The following ATP8A2 variants were observed in gnomAD, a reference collection of about 807,000 sequenced individuals.
The protein encoded by ATP8A2 is phospholipid-transporting ATPase IB.
In ATP8A2, 100 loss-of-function variants were observed where a neutral mutation model predicts 165.6. The observed-to-expected ratio is 0.60, with a 90% CI of 0.51 to 0.71. The LOEUF (loss-of-function observed/expected upper bound fraction) is 0.71, where lower values mean the gene tolerates loss of function less well. Among genes scored for constraint, ATP8A2 ranks in the 30% least tolerant of loss-of-function variants. The pLI, the probability that ATP8A2 is intolerant of heterozygous loss-of-function variation, is 0.00. For missense variants in ATP8A2, 1,227 were observed against 1,479.5 expected (o/e 0.83, Z 2.80); for synonymous variants, 543 against 548.8 (o/e 0.99, Z 0.15).
At chr13:25,534,660 C>T (rs1254759470) in intron 6 of ATP8A2, among the ~76,000 whole-genome samples, 1 of 152,232 alleles carries the variant, frequency 6.6e-6, no homozygotes, top group Admixed American at 6.5e-5. Flanking sequence ...ATGTACTGTA[C>T]CGCATGCAGT....
intron 24 of ATP8A2, among the ~76,000 whole-genome samples, chr13:25,624,276 G>A (rs2041048719): frequency 6.6e-6 from 1 of 152,076 alleles, no homozygotes; most frequent in Admixed American, 6.6e-5. Context: ...TGGCAGAGAT[G>A]GTGGGTTAAA....
chr13:25,464,988 T>C (rs551346040), intron 1 of ATP8A2, among the ~76,000 whole-genome samples: 2 of 152,324 alleles, frequency 1.3e-5, no homozygotes, highest in Non-Finnish European at 2.9e-5. Context: ...CTTTTCTCTT[T>C]GCTTACTCTT....
chr13:25,953,536 A>AAAAAAAAAAAAACAACAAC lies in ATP8A2; in HGVS notation c.3184-8029_3184-8028insAACAACAACAAAAAAAAAA, dbSNP rs1484790893. Among the ~76,000 whole-genome samples, 1 of 140,138 alleles carries AAAAAAAAAAAAACAACAAC rather than the reference A, an allele frequency of 7.1e-6. No individual in the cohort carries two copies. The highest frequency in any genetic ancestry group is 1.6e-5 in the Non-Finnish European group (1 of 63,880). The allele number at this position is 140,138 out of a possible 152,430, so 91.9% of individuals were successfully genotyped here. A position where few individuals can be genotyped will look rare whatever the true frequency, so the allele number is the denominator to read the frequency against. ...TCCAGCCTTTTTAAAAAAAAAAAAA[A>AAAAAAAAAAAAACAACAAC]AAAAAAAAAAGCAAGGGAAATAGGC... On this transcript the variant is annotated intron_variant, in intron 33 of 36. Coordinates refer to ENST00000381655, the MANE Select transcript of ATP8A2 (RefSeq NM_016529.6). This position sits in a 1 kb window ranked among gnomAD's most constrained non-coding sequence, Gnocchi z 6.7.
intron 26 of ATP8A2, among the ~76,000 whole-genome samples, chr13:25,770,599 A>G (rs1197608685): frequency 1.3e-5 from 2 of 151,962 alleles, no homozygotes; most frequent in African/African-American, 4.8e-5. Context: ...CTCTTTCTCT[A>G]CTGCAGTTCT....
At chr13:25,614,984 G>A (rs1455967569) in intron 24 of ATP8A2, among the ~76,000 whole-genome samples, 1 of 152,198 alleles carries the variant, frequency 6.6e-6, no homozygotes, top group Non-Finnish European at 1.5e-5. Context: ...CAGCCAGGAG[G>A]TGGCACTTTC....
intron 1 of ATP8A2, among the ~76,000 whole-genome samples, chr13:25,384,257 T>A (rs1446430021): frequency 6.6e-6 from 1 of 152,224 alleles, no homozygotes; most frequent in Non-Finnish European, 1.5e-5. Context: ...TATATCTATC[T>A]TTGATGTTCT....
chr13:25,457,591 G>C (rs981776956), intron 1 of ATP8A2, among the ~76,000 whole-genome samples: 9 of 152,284 alleles, frequency 5.9e-5, no homozygotes, highest in Admixed American at 4.6e-4. Flanking sequence ...AGAATGCTTA[G>C]AACAGTGGTA....
intron 12 of ATP8A2, among the ~76,000 whole-genome samples, chr13:25,554,511 ATGTGTG>A (rs145376745): frequency 7.1e-6 from 1 of 141,236 alleles, no homozygotes; most frequent in African/African-American, 2.8e-5. Flanking sequence ...AATATAAATC[ATGTGTG>A]TGTGTGTGTG....
intron 1 of ATP8A2, among the ~76,000 whole-genome samples, chr13:25,418,747 A>G (rs762245127): frequency 6.6e-6 from 1 of 152,200 alleles, no homozygotes; most frequent in African/African-American, 2.4e-5. Context: ...CAGAGCTCAG[A>G]CAATGAAATG....
At chr13:25,732,132 G>A (rs2043662510) in intron 25 of ATP8A2, among the ~76,000 whole-genome samples, 1 of 152,174 alleles carries the variant, frequency 6.6e-6, no homozygotes, top group Non-Finnish European at 1.5e-5. Flanking sequence ...AGAGAGCTGA[G>A]CTTTTCCCTG....
intron 33 of ATP8A2, among the ~76,000 whole-genome samples, chr13:25,903,627 G>T (rs906432605): frequency 4.6e-5 from 7 of 152,134 alleles, no homozygotes; most frequent in African/African-American, 1.7e-4. Flanking sequence ...TCTCTGCCAC[G>T]GTGGTCTCGT....
intron 1 of ATP8A2, among the ~76,000 whole-genome samples, chr13:25,393,514 C>G (rs1321767122): frequency 6.6e-6 from 1 of 152,172 alleles, no homozygotes; most frequent in African/African-American, 2.4e-5. Context: ...CTCCTGGGTT[C>G]AAGTGACTCT....
At chr13:25,391,035 A>T (rs2033227805) in intron 1 of ATP8A2, among the ~76,000 whole-genome samples, 1 of 152,144 alleles carries the variant, frequency 6.6e-6, no homozygotes, top group African/African-American at 2.4e-5. Context: ...TTTGTTCATT[A>T]GTTCCCCTGC....
At chr13:25,481,918 A>G (rs1449358106) in intron 2 of ATP8A2, among the ~76,000 whole-genome samples, 1 of 152,100 alleles carries the variant, frequency 6.6e-6, no homozygotes, top group African/African-American at 2.4e-5. Context: ...AATTATCTCC[A>G]AAAGGGCCCA....
chr13:25,405,493 C>G (rs565743794), intron 1 of ATP8A2, among the ~76,000 whole-genome samples: 1 of 152,302 alleles, frequency 6.6e-6, no homozygotes, highest in African/African-American at 2.4e-5. Context: ...CTCAGCCTCC[C>G]AGCAGGTGTA....
chr13:25,958,376 A>ATGATTAG (rs1411010744), intron 33 of ATP8A2, among the ~76,000 whole-genome samples: 1 of 152,100 alleles, frequency 6.6e-6, no homozygotes, highest in East Asian at 1.9e-4. Flanking sequence ...TGGGGTGCAT[A>ATGATTAG]TGATTAGTGG....
intron 24 of ATP8A2, among the ~76,000 whole-genome samples, chr13:25,642,082 C>T (rs1165374619): frequency 6.6e-6 from 1 of 152,118 alleles, no homozygotes; most frequent in Non-Finnish European, 1.5e-5. Context: ...TTTCCTTACA[C>T]CTTATAGAAA....
chr13:25,499,684 G>A (rs777739822), intron 2 of ATP8A2, among the ~76,000 whole-genome samples: 5 of 152,154 alleles, frequency 3.3e-5, no homozygotes, highest in Admixed American at 6.5e-5. Flanking sequence ...CCAAACACAC[G>A]TACTGGTTCT....
chr13:25,435,964 T>TGTGTGTGTGTATGTGTGTGTGA (rs2034760967), intron 1 of ATP8A2, among the ~76,000 whole-genome samples: 1 of 149,798 alleles, frequency 6.7e-6, no homozygotes, highest in Admixed American at 6.7e-5. Flanking sequence ...TGTGTGTGTG[T>TGTGTGTGTGTATGTGTGTGTGA]GTGTGTGTAT....
Sources: allele counts gnomAD v4.1 joint callset (sites outside exome capture counted in the v4.1 genomes callset), GRCh38; gene constraint gnomAD v4.1.1; non-coding constraint Gnocchi (gnomAD v3.1); transcripts MANE v1.5; gene names NCBI Gene and HGNC (gene_info 2026-07-23, HGNC 2026-07-21).